Variants in TCEAL4 observed in about 807,000 individuals in gnomAD.
TCEAL4 encodes the protein transcription elongation factor A like 4.
TCEAL4 carries 1 observed loss-of-function variant against 1.3 expected under a neutral mutation model. The ratio of observed to expected loss-of-function variants is 0.79; its 90% CI spans 0.28 to 3.76. TCEAL4 has a LOEUF of 3.76. TCEAL4 is among the 30% of genes most tolerant of loss of function. The pLI is 0.18. For missense variants in TCEAL4, 129 were observed against 154.7 expected (o/e 0.83, Z 0.88); for synonymous variants, 54 against 50.7 (o/e 1.06, Z -0.28).
At chrX:103,582,093 T>C (rs1297685444), upstream of TCEAL4, among the ~76,000 whole-genome samples, 3 of 111,925 alleles carry the variant, frequency 2.7e-5, no homozygotes, top group Non-Finnish European at 5.6e-5. Flanking sequence ...CATTCCTATA[T>C]ACCAACAATA....
At chrX:103,586,563 T>C in intron 2 of TCEAL4, 86 bp from the exon 3 acceptor site, 1 of 1,084,735 alleles carries the variant, frequency 9.2e-7, no homozygotes, top group Non-Finnish European at 1.2e-6. Flanking sequence ...GAGATGCAAG[T>C]ACTATCCAGA....
At chrX:103,581,997 C>T (rs1250326311), upstream of TCEAL4, among the ~76,000 whole-genome samples, 1 of 111,954 alleles carries the variant, frequency 8.9e-6, no homozygotes, top group Non-Finnish European at 1.9e-5. Flanking sequence ...TAGAAAACGC[C>T]ATTGTCTAAG....
chrX:103,579,256 T>C (rs1208843889), intron 2 of TCEAL4, among the ~76,000 whole-genome samples: 1 of 112,224 alleles, frequency 8.9e-6, no homozygotes, highest in African/African-American at 3.2e-5. Flanking sequence ...TTTTTAAATA[T>C]TGTTTTGTAT....
At chrX:103,576,267 A>C in exon 1 of TCEAL4, 4 of 520,213 alleles carry the variant, frequency 7.7e-6, no homozygotes, top group Non-Finnish European at 1.2e-5. Context: ...TTTTTCCATA[A>C]AGGGCCAGAA....
In TCEAL4 at chrX:103,587,393, C is replaced by T; in HGVS notation, c.*70C>T. On this transcript the variant is annotated 3_prime_UTR_variant, in exon 3 of 3. Transcript: ENST00000472484. ...GTAATACTTTACTTTAGGCATCCCT[C>T]CTGTTGCTAGCAGCCTTTTGACCTA... 9.1e-7 allele frequency: 1 copy of T among 1,096,076 alleles called. No homozygotes were observed. 90.3% of individuals were successfully genotyped at this position (1,096,076 alleles called of 1,213,427 possible).
chrX:103,577,944 C>T (rs1304779126), intron 2 of TCEAL4, among the ~76,000 whole-genome samples: 2 of 111,795 alleles, frequency 1.8e-5, no homozygotes, highest in Admixed American at 9.5e-5. Flanking sequence ...AGAACATTTT[C>T]ATCACCTCAA....
At chrX:103,582,024 G>A (rs1207004073), upstream of TCEAL4, among the ~76,000 whole-genome samples, 1 of 112,366 alleles carries the variant, frequency 8.9e-6, no homozygotes, top group Non-Finnish European at 1.9e-5. Context: ...AGCTTCTTAA[G>A]CTGATAAGCA....
upstream of TCEAL4, among the ~76,000 whole-genome samples, chrX:103,582,302 A>T (rs1241539853): frequency 8.9e-6 from 1 of 112,301 alleles, no homozygotes; most frequent in Non-Finnish European, 1.9e-5. Flanking sequence ...GGATAGAAAG[A>T]ATCAATATCA....
At chrX:103,585,327 TA>T (rs201628331), upstream of TCEAL4, among the ~76,000 whole-genome samples, 20 of 105,408 alleles carry the variant, frequency 1.9e-4, no homozygotes, top group South Asian at 1.7e-3. Context: ...CCCAACTCAT[TA>T]AAAAAAAAAC....
chrX:103,583,842 C>T (rs1222520195), upstream of TCEAL4, among the ~76,000 whole-genome samples: 2 of 112,205 alleles, frequency 1.8e-5, no homozygotes, highest in Non-Finnish European at 3.8e-5. Context: ...TGCACATGTG[C>T]CCCTGAGCTT....
At chrX:103,585,999 G>A in intron 1 of TCEAL4, 2 of 1,079,141 alleles carry the variant, frequency 1.9e-6, no homozygotes, top group Non-Finnish European at 2.4e-6. Flanking sequence ...GGCTGGGGAG[G>A]AGAGTTGCCT....
chrX:103,579,958 T>C (rs1436780452), intron 2 of TCEAL4, among the ~76,000 whole-genome samples: 1 of 112,506 alleles, frequency 8.9e-6, no homozygotes, highest in Admixed American at 9.4e-5. Context: ...TTGTTTTATT[T>C]CTCTTATTGT....
chrX:103,581,008 G>GA, upstream of TCEAL4, among the ~76,000 whole-genome samples: 1 of 111,148 alleles, frequency 9.0e-6, no homozygotes, highest in South Asian at 3.8e-4. Context: ...ATGAATAAAA[G>GA]AAAAAAATCA....
rs1382843034 is a variant in TCEAL4 at position 103,587,560 on chromosome X, T to TA, written c.*238dup. The TA allele has an allele frequency of 3.1e-6, 1 of 319,766 alleles. No homozygotes were observed. Among genetic ancestry groups the TA allele is most frequent in the Admixed American group, 5.5e-5 (1 of 18,104 alleles). The allele number at this position is 319,766 out of a possible 1,213,427, so 26.4% of individuals were successfully genotyped here. ...ATTTTTGTAAAACTACAAAGATACT[T>TA]ACCTAGTAATATAGTATAGAAAACA... is the stretch of plus-strand genomic sequence containing the variant. On this transcript the variant is annotated 3_prime_UTR_variant, in exon 3 of 3. Coordinates refer to ENST00000472484, the MANE Select transcript of TCEAL4 (RefSeq NM_001006935.3).
chrX:103,584,792 G>A (rs2073526830), upstream of TCEAL4, among the ~76,000 whole-genome samples: 1 of 112,635 alleles, frequency 8.9e-6, no homozygotes, highest in Admixed American at 9.3e-5. Flanking sequence ...CGCTCTGATT[G>A]GATGTTGTTG....
Position 103,587,269 on chromosome X carries a change from C to T in TCEAL4, c.594C>T (p.Phe198=). 8.3e-7 allele frequency: 1 copy of T among 1,199,847 alleles called. No individual in the cohort carries two copies. The highest frequency in any genetic ancestry group is 1.9e-5 in the South Asian group (1 of 53,961). ...DPFYPRGPRE[F]RGGCRAPRRD... is the part of the protein sequence containing the mutation. ...TCTACCCTAGAGGTCCAAGGGAATTCAGGGGTGGCTGCAGGGCCCCACGAA... is the reference window on the plus strand; with the variant it reads ...TCTACCCTAGAGGTCCAAGGGAATTTAGGGGTGGCTGCAGGGCCCCACGAA... The change falls in exon 3 of 3, where the codon TTC becomes TTT. Residue 198 remains phenylalanine (F), a synonymous_variant. Coordinates refer to ENST00000472484, the MANE Select transcript of TCEAL4 (RefSeq NM_001006935.3).
chrX:103,585,684 G>T (rs1410341921), intron 1 of TCEAL4, 60 bp downstream of exon 1: 1 of 1,157,910 alleles, frequency 8.6e-7, no homozygotes, highest in Admixed American at 2.6e-5. Context: ...AGGGGAACGG[G>T]TACGGCAGGG....
At chrX:103,585,472 C>G, upstream of TCEAL4, 1 of 1,089,378 alleles carries the variant, frequency 9.2e-7, no homozygotes, top group Non-Finnish European at 1.2e-6. Context: ...GGAGGCGGGG[C>G]GTGGGGCGGT....
rs1346770458 is a variant in TCEAL4, at chrX:103,587,352, G to A, written c.*29G>A. ...CCCTGGCAGGCATTTACCAGGCCAT[G>A]TGCTTTAACGTTACGGTAATACTTT... On this transcript the variant is annotated 3_prime_UTR_variant, in exon 3 of 3. Coordinates refer to ENST00000472484, the MANE Select transcript of TCEAL4 (RefSeq NM_001006935.3). 6 of 1,146,628 alleles carry A rather than the reference G, an allele frequency of 5.2e-6. No homozygotes were observed. Among genetic ancestry groups the A allele is most frequent in the Non-Finnish European group, 6.9e-6 (6 of 866,602 alleles). The allele number at this position is 1,146,628 out of a possible 1,213,427, so 94.5% of individuals were successfully genotyped here. A position where few individuals can be genotyped will look rare whatever the true frequency, so the allele number is the denominator to read the frequency against.
Sources: allele counts gnomAD v4.1 joint callset (sites outside exome capture counted in the v4.1 genomes callset), GRCh38; gene constraint gnomAD v4.1.1; transcripts MANE v1.5; gene names NCBI Gene and HGNC (gene_info 2026-07-23, HGNC 2026-07-21).